ZNF730: variants seen among roughly 807,000 people sequenced by gnomAD.
The protein encoded by ZNF730 is zinc finger protein 730, also known as putative zinc finger protein 730.
Under a neutral mutation model 12.6 loss-of-function variants are expected in ZNF730, and 12 were observed. The ratio of observed to expected loss-of-function variants is 0.95; its 90% CI spans 0.61 to 1.54. The LOEUF (loss-of-function observed/expected upper bound fraction) is 1.54. Ranked by LOEUF, ZNF730 falls within the 40% of genes most tolerant of loss-of-function variation. The probability of loss-of-function intolerance (pLI) is 0.00; values close to 1 mark genes in which losing one functional copy is unlikely to be tolerated. For synonymous variants in ZNF730, 194 were observed against 195.8 expected, an observed-to-expected ratio of 0.99 and a Z score of 0.08; for missense variants, 643 against 583.5, an observed-to-expected ratio of 1.10 and a Z score of -1.05.
intron 1 of ZNF730, among the ~76,000 whole-genome samples, chr19:23,129,352 C>T (rs1302757047): frequency 6.6e-6 from 1 of 152,128 alleles, no homozygotes; most frequent in Non-Finnish European, 1.5e-5. Context: ...AGGAGGGAGG[C>T]TGTACCCTGC....
upstream of ZNF730, among the ~76,000 whole-genome samples, chr19:23,116,299 T>TTTTTCTTTTCTTTTC (rs565630328): frequency 0.026 from 3,852 of 149,118 alleles, 130 homozygotes; most frequent in African/African-American, 0.078. Flanking sequence ...GTTATTCTGC[T>TTTTTCTTTTCTTTTC]TTTTCTTTTC....
chr19:23,079,344 A>G (rs1285896304), intron 1 of ZNF730, among the ~76,000 whole-genome samples: 1 of 151,818 alleles, frequency 6.6e-6, no homozygotes, highest in African/African-American at 2.4e-5. Context: ...TTTAGTGAAG[A>G]TGAGGGTTTC....
rs1161193503 is a variant in ZNF730 at position 23,136,031 on chromosome 19, G to C, written c.214G>C (p.Ala72Pro). 3 of 1,600,312 alleles carry C rather than the reference G, an allele frequency of 1.9e-6. No individual in the cohort carries two copies. The highest frequency in any genetic ancestry group is 1.7e-4 in the Middle Eastern group (1 of 5,990). ...PWNLKTHDMV[A>P]KPPVICSHIA... ...GAATTTGAAGACACATGATATGGTAGCCAAACCCCCAGGTAGGTGACAGTA... is the reference window on the plus strand; with the variant it reads ...GAATTTGAAGACACATGATATGGTACCCAAACCCCCAGGTAGGTGACAGTA... Residue 72 changes from alanine to proline, a missense_variant, in exon 3 of 4, where the codon GCC (alanine) becomes CCC (proline). Ala to Pro is a conservative substitution (Grantham distance 27). Coordinates refer to ENST00000597761, the MANE Select transcript of ZNF730 (RefSeq NM_001277403.2).
At chr19:23,122,039 C>T (rs1970605584) in intron 1 of ZNF730, among the ~76,000 whole-genome samples, 1 of 151,430 alleles carries the variant, frequency 6.6e-6, no homozygotes, top group African/African-American at 2.4e-5. Context: ...GACCTCAGAA[C>T]CATTGCTTTG....
chr19:23,077,016 T>A (rs1015719205), intron 1 of ZNF730, among the ~76,000 whole-genome samples: 1 of 151,994 alleles, frequency 6.6e-6, no homozygotes, highest in African/African-American at 2.4e-5. Flanking sequence ...ATAAAAAAAA[T>A]GAGATCATGT....
At chr19:23,076,849 A>G (rs1190427700) in intron 1 of ZNF730, among the ~76,000 whole-genome samples, 1 of 152,218 alleles carries the variant, frequency 6.6e-6, no homozygotes, top group Non-Finnish European at 1.5e-5. Context: ...TATACCCAAA[A>G]TAATATAAAT....
At chr19:23,128,101 T>C (rs551137807) in intron 1 of ZNF730, 1 of 848,600 alleles carries the variant, frequency 1.2e-6, no homozygotes, top group East Asian at 2.4e-5. Context: ...CTTCACCTGC[T>C]ATTTGGATGT....
At chr19:23,107,011 G>A (rs942812552) in intron 1 of ZNF730, among the ~76,000 whole-genome samples, 7 of 151,334 alleles carry the variant, frequency 4.6e-5, no homozygotes, top group African/African-American at 1.7e-4. Flanking sequence ...AAAAATGTTA[G>A]CATCAAAGGG....
intron 3 of ZNF730, among the ~76,000 whole-genome samples, chr19:23,141,990 G>A (rs867441356): frequency 6.6e-6 from 1 of 151,312 alleles, no homozygotes; most frequent in Non-Finnish European, 1.5e-5. Flanking sequence ...TTATTCTGTC[G>A]ATATTTGCTT....
At chr19:23,094,728 C>A (rs1416235287) in intron 1 of ZNF730, among the ~76,000 whole-genome samples, 1 of 152,162 alleles carries the variant, frequency 6.6e-6, no homozygotes. Flanking sequence ...CCCACCTCGG[C>A]CTCCCAGAGT....
intron 1 of ZNF730, among the ~76,000 whole-genome samples, chr19:23,093,478 G>A (rs1970192690): frequency 6.6e-6 from 1 of 152,196 alleles, no homozygotes; most frequent in Admixed American, 6.5e-5. Flanking sequence ...TGCCCCTGCT[G>A]TGGGTTAGGG....
intron 1 of ZNF730, among the ~76,000 whole-genome samples, chr19:23,090,907 G>T (rs547090750): frequency 6.3e-4 from 96 of 151,920 alleles, no homozygotes; most frequent in Middle Eastern, 6.8e-3. Flanking sequence ...TGAGGCAGGA[G>T]AATTACTTGA....
At chr19:23,098,059 A>T (rs1266996230) in intron 1 of ZNF730, among the ~76,000 whole-genome samples, 2 of 151,926 alleles carry the variant, frequency 1.3e-5, no homozygotes, top group African/African-American at 4.8e-5. Flanking sequence ...CAGGAGAATC[A>T]CTTGAACCCA....
intron 1 of ZNF730, among the ~76,000 whole-genome samples, chr19:23,130,988 C>T (rs1451667511): frequency 2.0e-5 from 3 of 152,098 alleles, no homozygotes; most frequent in Admixed American, 1.3e-4. Context: ...AGCTGGTGCT[C>T]ACAATTTTCT....
intron 1 of ZNF730, among the ~76,000 whole-genome samples, chr19:23,132,315 G>A (rs1414482771): frequency 1.3e-5 from 2 of 152,124 alleles, no homozygotes; most frequent in Non-Finnish European, 2.9e-5. Flanking sequence ...GAGAAAAAAT[G>A]GCTTTTTTTC....
intron 3 of ZNF730, among the ~76,000 whole-genome samples, chr19:23,141,659 GT>G (rs902306249): frequency 6.6e-6 from 1 of 151,894 alleles, no homozygotes; most frequent in African/African-American, 2.4e-5. Context: ...AATTTTTTTA[GT>G]TTTTTTCTCA....
intron 1 of ZNF730, among the ~76,000 whole-genome samples, chr19:23,082,708 A>AT (rs913845297): frequency 1.6e-4 from 21 of 134,370 alleles, no homozygotes; most frequent in East Asian, 4.5e-4. Flanking sequence ...TTCTTTTTTC[A>AT]TTTTTTTTTT....
At chr19:23,127,847 C>T (rs572564937) in intron 1 of ZNF730, 1 of 661,724 alleles carries the variant, frequency 1.5e-6, no homozygotes, top group South Asian at 1.7e-5. Flanking sequence ...TGTCAGATTG[C>T]TTATACCCGT....
intron 1 of ZNF730, among the ~76,000 whole-genome samples, chr19:23,083,345 A>G (rs1275134752): frequency 6.6e-6 from 1 of 152,002 alleles, no homozygotes; most frequent in Non-Finnish European, 1.5e-5. Context: ...AACCGCTTGA[A>G]CCGGGGAGGG....
Sources: allele counts gnomAD v4.1 joint callset (sites outside exome capture counted in the v4.1 genomes callset), GRCh38; gene constraint gnomAD v4.1.1; transcripts MANE v1.5; gene names NCBI Gene and HGNC (gene_info 2026-07-23, HGNC 2026-07-21).